SPEF2: variants seen among roughly 807,000 people sequenced by gnomAD.
The protein encoded by SPEF2 is sperm flagella and cilia-associated protein 2.
In SPEF2, 187 loss-of-function variants were observed where a neutral mutation model predicts 224.6. The ratio of observed to expected loss-of-function variants is 0.83; its 90% confidence interval spans 0.74 to 0.94. SPEF2 has a LOEUF of 0.94. SPEF2 is among the 40% of genes least tolerant of loss of function. SPEF2 has a pLI of 0.00. For synonymous variants in SPEF2, 715 were observed against 707.3 expected, an observed-to-expected ratio of 1.01 and a Z score of -0.17; for missense variants, 2,170 against 2,135.6, an observed-to-expected ratio of 1.02 and a Z score of -0.32.
At chr5:35,707,967 T>C (rs1247490235) in intron 18 of SPEF2, among the ~76,000 whole-genome samples, 2 of 152,226 alleles carry the variant, frequency 1.3e-5, no homozygotes, top group Non-Finnish European at 2.9e-5. Flanking sequence ...TTAACTCTTG[T>C]ATAAATTAAC....
At chr5:35,807,047 A>T (rs963616427) in intron 35 of SPEF2, 84 bp from the exon 36 acceptor site, 17 of 1,560,864 alleles carry the variant, frequency 1.1e-5, no homozygotes, top group East Asian at 4.5e-5. Context: ...AATTATACAG[A>T]ATCTCTTTAG....
intron 9 of SPEF2, among the ~76,000 whole-genome samples, chr5:35,668,729 A>G (rs1580195055): frequency 1.3e-5 from 2 of 152,076 alleles, no homozygotes; most frequent in African/African-American, 4.8e-5. Context: ...TTCTATCCTC[A>G]TATCCTTAAA....
At chr5:35,719,724 C>T (rs981957800) in intron 20 of SPEF2, among the ~76,000 whole-genome samples, 5 of 152,066 alleles carry the variant, frequency 3.3e-5, no homozygotes, top group South Asian at 4.1e-4. Flanking sequence ...CAGGCTCAAG[C>T]GATTCTCCTG....
intron 23 of SPEF2, among the ~76,000 whole-genome samples, chr5:35,743,967 AG>A (rs1748073483): frequency 6.6e-6 from 1 of 152,226 alleles, no homozygotes; most frequent in Non-Finnish European, 1.5e-5. Context: ...CATAGTAAGC[AG>A]TAGTGGGATT....
At chr5:35,710,775 AGTTT>A (rs1188931912) in intron 19 of SPEF2, 2 of 985,162 alleles carry the variant, frequency 2.0e-6, no homozygotes, top group Admixed American at 6.2e-5. Flanking sequence ...AAGTTTCTGA[AGTTT>A]GTTTGCTATT....
chr5:35,739,008 G>C (rs1312753688), intron 21 of SPEF2, among the ~76,000 whole-genome samples: 1 of 152,090 alleles, frequency 6.6e-6, no homozygotes, highest in African/African-American at 2.4e-5. Flanking sequence ...TGCTCAGATA[G>C]AGGCTCTTTT....
At chr5:35,641,719 G>C in intron 3 of SPEF2, 36 bp downstream of exon 3, 1 of 1,577,472 alleles carries the variant, frequency 6.3e-7, no homozygotes, top group Non-Finnish European at 8.6e-7. Context: ...GCATGTCACA[G>C]TGTAAAATTT....
rs1744621952 is a variant in SPEF2, at chr5:35,628,687, G to T, written c.161+125G>T. 6.4e-6 allele frequency: 4 copies of T among 625,122 alleles called. No individual in the cohort carries two copies. The East Asian group carries it at 1.2e-4, about 19-fold the overall frequency. The allele number at this position is 625,122 out of a possible 1,614,324, so 38.7% of individuals were successfully genotyped here. On this transcript the variant is annotated intron_variant, in intron 2 of 36. Transcript: ENST00000356031. Reference sequence around the variant, plus strand: ...GCTCACAGCAACCTCAAACTCCTGGGATAAAGCAATCCTCTTGCCTCGGCT... The same window carrying T: ...GCTCACAGCAACCTCAAACTCCTGGTATAAAGCAATCCTCTTGCCTCGGCT...
intron 33 of SPEF2, among the ~76,000 whole-genome samples, chr5:35,799,036 G>A (rs1001621903): frequency 2.6e-5 from 4 of 152,160 alleles, no homozygotes; most frequent in Admixed American, 2.6e-4. Context: ...AAATAACATA[G>A]AGGAAATACC....
intron 10 of SPEF2, 190 bp downstream of exon 10, chr5:35,670,417 T>C: frequency 4.0e-6 from 5 of 1,260,860 alleles, no homozygotes; most frequent in Non-Finnish European, 5.0e-6. Flanking sequence ...CTATTATCTA[T>C]TGTTCCTAGT....
chr5:35,807,611 CAT>C (rs1758238158), intron 36 of SPEF2: 2 of 1,522,954 alleles, frequency 1.3e-6, no homozygotes, highest in Non-Finnish European at 1.8e-6. Context: ...CAAGTGCTGA[CAT>C]ATTCATTGTA....
intron 2 of SPEF2, among the ~76,000 whole-genome samples, chr5:35,632,593 T>C (rs988438076): frequency 5.9e-5 from 9 of 152,252 alleles, no homozygotes; most frequent in Admixed American, 1.3e-4. Context: ...TTGTCATTTC[T>C]GGCCTTCTGC....
chr5:35,649,485 G>GAATAT (rs35133186), intron 6 of SPEF2, 60 bp downstream of exon 6: 1 of 1,282,738 alleles, frequency 7.8e-7, no homozygotes, highest in African/African-American at 1.5e-5. Context: ...CATAGCTTTT[G>GAATAT]AATATTTAGA....
At chr5:35,796,488 T>C (rs1756684780) in intron 33 of SPEF2, among the ~76,000 whole-genome samples, 1 of 151,730 alleles carries the variant, frequency 6.6e-6, no homozygotes, top group African/African-American at 2.4e-5. Context: ...GGCGGGCGCC[T>C]GTAGTCCCAG....
intron 4 of SPEF2, among the ~76,000 whole-genome samples, chr5:35,645,821 G>GA (rs1246718046): frequency 1.3e-5 from 2 of 151,904 alleles, no homozygotes; most frequent in East Asian, 1.9e-4. Context: ...GTCTTCTTAA[G>GA]AAAAAAAGAT....
intron 10 of SPEF2, chr5:35,675,919 A>C: frequency 2.2e-6 from 1 of 456,232 alleles, no homozygotes; most frequent in Non-Finnish European, 4.4e-6. Flanking sequence ...GTGTCTATGG[A>C]ATAGCAGGAA....
At chr5:35,789,878 G>A (rs1386138636) in intron 30 of SPEF2, 2 of 703,020 alleles carry the variant, frequency 2.8e-6, no homozygotes, top group Non-Finnish European at 5.2e-6. Flanking sequence ...GAAACTTAGT[G>A]AAGTGGATAC....
intron 5 of SPEF2, among the ~76,000 whole-genome samples, chr5:35,648,594 G>A (rs1398073151): frequency 6.6e-6 from 1 of 151,876 alleles, no homozygotes; most frequent in Non-Finnish European, 1.5e-5. Flanking sequence ...CCAGAGTGCT[G>A]GGATTACAGG....
At chr5:35,763,106 G>C (rs1270687298) in intron 25 of SPEF2, among the ~76,000 whole-genome samples, 1 of 152,184 alleles carries the variant, frequency 6.6e-6, no homozygotes, top group Non-Finnish European at 1.5e-5. Context: ...CGGGATGCCA[G>C]ATGATACTTG....
Sources: allele counts gnomAD v4.1 joint callset (sites outside exome capture counted in the v4.1 genomes callset), GRCh38; gene constraint gnomAD v4.1.1; transcripts MANE v1.5; gene names NCBI Gene and HGNC (gene_info 2026-07-23, HGNC 2026-07-21).